The following ELMO1 variants were observed in gnomAD, a reference collection of about 807,000 sequenced individuals.
ELMO1 encodes the protein engulfment and cell motility protein 1.
Under a neutral mutation model 98.9 loss-of-function variants are expected in ELMO1, and 26 were observed. The ratio of observed to expected loss-of-function variants is 0.26; its 90% CI spans 0.19 to 0.36. The LOEUF (loss-of-function observed/expected upper bound fraction) is 0.36. Ranked by LOEUF, ELMO1 falls within the 10% of genes least tolerant of loss-of-function variation. ELMO1 has a pLI of 1.00. For synonymous variants in ELMO1, 346 were observed against 346.0 expected, an observed-to-expected ratio of 1.00 and a Z score of 0.00; for missense variants, 627 against 935.2, an observed-to-expected ratio of 0.67 and a Z score of 4.30.
At chr7:37,434,879 T>C (rs1050796613) in intron 1 of ELMO1, among the ~76,000 whole-genome samples, 1 of 152,204 alleles carries the variant, frequency 6.6e-6, no homozygotes, top group Non-Finnish European at 1.5e-5. Context: ...GCCCTGAGCA[T>C]CAGTAACTCC....
intron 1 of ELMO1, among the ~76,000 whole-genome samples, chr7:37,402,087 A>T (rs1803562716): frequency 6.6e-6 from 1 of 152,206 alleles, no homozygotes. Flanking sequence ...TAAAACTTAC[A>T]TCAAATACAT....
chr7:37,268,169 A>C (rs1005351707), intron 5 of ELMO1, among the ~76,000 whole-genome samples: 2 of 152,232 alleles, frequency 1.3e-5, no homozygotes, highest in African/African-American at 2.4e-5. Context: ...CTCAGACTCT[A>C]TGCCCACAGC....
chr7:37,425,372 A>C (rs1360038300), intron 1 of ELMO1, among the ~76,000 whole-genome samples: 1 of 152,228 alleles, frequency 6.6e-6, no homozygotes, highest in Non-Finnish European at 1.5e-5. Context: ...CCACTTTCTA[A>C]TACCATCATA....
chr7:37,091,402 C>T (rs1394379945), intron 15 of ELMO1, among the ~76,000 whole-genome samples: 2 of 152,172 alleles, frequency 1.3e-5, no homozygotes, highest in Non-Finnish European at 2.9e-5. Flanking sequence ...CTACCATGCC[C>T]AGCCAATAAT....
rs35979251 is a variant in ELMO1 at position 37,104,010 on chromosome 7, CAAAAAAAAAAA to C, written c.1192-7294_1192-7284del. Among the ~76,000 whole-genome samples the C allele has an allele frequency of 1.7e-3, 50 of 29,016 alleles. No homozygotes were observed. In the East Asian group the frequency reaches 0.021, roughly 12 times the overall value. The allele number at this position is 29,016 out of a possible 152,430, so 19.0% of individuals were successfully genotyped here. A position where few individuals can be genotyped will look rare whatever the true frequency, so the allele number is the denominator to read the frequency against. On this transcript the variant is annotated intron_variant, in intron 14 of 21. Transcript: ENST00000310758. ...TGGGTGAGAGAGTGAGACTCCATCTCAAAAAAAAAAAAAAAAAAAAAAAAAAAAAAAAAGAA... is the reference window on the plus strand; with the variant it reads ...TGGGTGAGAGAGTGAGACTCCATCTCAAAAAAAAAAAAAAAAAAAAAAGAA...
chr7:36,912,777 T>C lies in ELMO1; in HGVS notation c.1438-17760A>G, dbSNP rs572574197. ...TTATCACCTCTGAGCCTTAATTTCCTTCTCTGTAAACTGAAGATAATATCT... is the reference window on the plus strand; with the variant it reads ...TTATCACCTCTGAGCCTTAATTTCCCTCTCTGTAAACTGAAGATAATATCT... On this transcript the variant is annotated intron_variant, in intron 16 of 21. Transcript: ENST00000310758. Among the ~76,000 whole-genome samples, 6 of 152,358 alleles carry C rather than the reference T, an allele frequency of 3.9e-5. No homozygotes were observed. The South Asian group carries it at 1.2e-3, about 32-fold the overall frequency.
intron 16 of ELMO1, chr7:36,919,316 C>G (rs1053341547): frequency 3.9e-6 from 2 of 517,028 alleles, no homozygotes; most frequent in South Asian, 1.4e-5. Context: ...TCAGCCTTTT[C>G]TAACACTGCT....
intron 13 of ELMO1, among the ~76,000 whole-genome samples, chr7:37,190,089 T>C (rs1791476942): frequency 6.6e-6 from 1 of 150,792 alleles, no homozygotes; most frequent in Non-Finnish European, 1.5e-5. Context: ...GAAATTCTTA[T>C]ACTGAACGAA....
intron 15 of ELMO1, among the ~76,000 whole-genome samples, chr7:37,076,802 A>C (rs1415286914): frequency 6.6e-6 from 1 of 152,236 alleles, no homozygotes; most frequent in Admixed American, 6.5e-5. Flanking sequence ...CACCACAGAC[A>C]GCCCCCACTT....
intron 14 of ELMO1, among the ~76,000 whole-genome samples, chr7:37,100,563 C>T (rs2129263938): frequency 6.6e-6 from 1 of 152,396 alleles, no homozygotes; most frequent in South Asian, 2.1e-4. Context: ...CACACTCTCT[C>T]TTCCACTCTC....
At chr7:37,424,101 G>T (rs1804604982) in intron 1 of ELMO1, among the ~76,000 whole-genome samples, 1 of 152,198 alleles carries the variant, frequency 6.6e-6, no homozygotes, top group African/African-American at 2.4e-5. Flanking sequence ...AGCAAACTAA[G>T]AGGCCAGGTG....
chr7:36,909,443 G>A (rs1408382333), intron 16 of ELMO1, among the ~76,000 whole-genome samples: 2 of 152,218 alleles, frequency 1.3e-5, no homozygotes, highest in Non-Finnish European at 2.9e-5. Flanking sequence ...TGATGGGGCA[G>A]GCAGAACTGC....
chr7:37,119,873 G>C (rs1191120857), intron 14 of ELMO1, among the ~76,000 whole-genome samples: 3 of 152,118 alleles, frequency 2.0e-5, no homozygotes, highest in African/African-American at 7.2e-5. Flanking sequence ...TTTCCAACTA[G>C]ATGAAATGTT....
chr7:37,174,585 C>T (rs1176420588), intron 13 of ELMO1, among the ~76,000 whole-genome samples: 1 of 152,192 alleles, frequency 6.6e-6, no homozygotes, highest in Non-Finnish European at 1.5e-5. Context: ...TGTAATCCAG[C>T]ATCCAGCAAT....
intron 6 of ELMO1, among the ~76,000 whole-genome samples, chr7:37,248,460 T>C (rs1031617509): frequency 4.6e-5 from 7 of 152,086 alleles, no homozygotes; most frequent in African/African-American, 1.2e-4. Flanking sequence ...AGATCCTGTT[T>C]AGGGAATTTT....
At position 37,027,791 on chromosome 7, in the gene ELMO1, T is replaced by C. The variant is rs146603400; in HGVS notation, c.1301-14356A>G. On this transcript the variant is annotated intron_variant, in intron 15 of 21. Coordinates refer to ENST00000310758, the MANE Select transcript of ELMO1 (RefSeq NM_014800.11). ...AGAAGCATATCCTCCAGCACTGTGATAACAATTTAGGAAAAGGTCAAGCTC... is the reference window on the plus strand; with the variant it reads ...AGAAGCATATCCTCCAGCACTGTGACAACAATTTAGGAAAAGGTCAAGCTC... Among the ~76,000 whole-genome samples, 822 of 151,246 alleles carry C rather than the reference T, an allele frequency of 5.4e-3. 8 individuals are homozygous for C. The highest frequency in any genetic ancestry group is 0.019 in the African/African-American group (798 of 41,148).
intron 17 of ELMO1, among the ~76,000 whole-genome samples, chr7:36,891,219 C>T (rs548689943): frequency 6.6e-6 from 1 of 152,184 alleles, no homozygotes; most frequent in Non-Finnish European, 1.5e-5. Flanking sequence ...AATATAATCA[C>T]TGTAGGGGTA....
chr7:37,200,246 T>TA (rs1218807064), intron 13 of ELMO1, among the ~76,000 whole-genome samples: 1 of 149,390 alleles, frequency 6.7e-6, no homozygotes, highest in Non-Finnish European at 1.5e-5. Flanking sequence ...GCTAATTAAT[T>TA]TTTTTTTTTT....
chr7:37,376,496 C>T (rs188681121), intron 1 of ELMO1, among the ~76,000 whole-genome samples: 2 of 152,150 alleles, frequency 1.3e-5, no homozygotes, highest in Admixed American at 6.5e-5. Flanking sequence ...CTTTGAGATA[C>T]GTTTCAGATT....
Sources: gnomAD v4.1 joint callset for allele counts (sites outside exome capture counted in the v4.1 genomes callset) on GRCh38, gnomAD v4.1.1 for gene constraint, MANE v1.5 for transcripts, NCBI Gene and HGNC (gene_info 2026-07-23, HGNC 2026-07-21) for gene names.